Variants in CDKL2 observed in about 807,000 individuals in gnomAD.
The protein encoded by CDKL2 is cyclin dependent kinase like 2.
CDKL2 carries 64 observed loss-of-function variants against 63.9 expected under a neutral mutation model. The observed-to-expected ratio is 1.00, with a 90% confidence interval of 0.82 to 1.23. The LOEUF is 1.23. Among genes scored for constraint, CDKL2 ranks in the 50% most tolerant of loss-of-function variants. CDKL2 has a pLI of 0.00. For missense variants in CDKL2, 656 were observed against 668.0 expected (o/e 0.98, Z 0.20); for synonymous variants, 211 against 229.2 (o/e 0.92, Z 0.72).
intron 3 of CDKL2, among the ~76,000 whole-genome samples, chr4:75,612,721 G>A (rs928871730): frequency 3.8e-4 from 58 of 151,868 alleles, no homozygotes; most frequent in African/African-American, 1.3e-3. Context: ...ATTTCACCCC[G>A]TAACAATTAT....
chr4:75,607,414 GCA>G, intron 3 of CDKL2, 53 bp from the exon 4 acceptor site: 1 of 1,425,638 alleles, frequency 7.0e-7, no homozygotes, highest in South Asian at 1.3e-5. Flanking sequence ...TTATTTTGGG[GCA>G]CCTGCTATGT....
Position 75,592,338 on chromosome 4 carries a change from A to G in CDKL2, c.1417-69T>C, listed in dbSNP as rs1439688344. The G allele has an allele frequency of 3.0e-6, 4 of 1,347,324 alleles. No homozygotes were observed. The African/African-American group carries it at 5.9e-5, about 20-fold the overall frequency. The allele number at this position is 1,347,324 out of a possible 1,614,324, so 83.5% of individuals were successfully genotyped here. On this transcript the variant is annotated intron_variant, in intron 10 of 13. Coordinates refer to ENST00000307465, the MANE Select transcript of CDKL2 (RefSeq NM_001330724.2). ...GTTAGCTAGGCTTTCCTTCTTCTGT[A>G]ACTCCTATGTTCATATCCTAAAATT... is the stretch of plus-strand genomic sequence containing the variant.
chr4:75,599,526 A>G (rs1729087769), intron 7 of CDKL2, among the ~76,000 whole-genome samples: 2 of 125,584 alleles, frequency 1.6e-5, no homozygotes, highest in Admixed American at 2.1e-4. Context: ...GCACCACTGC[A>G]CTCCAGCCTG....
At chr4:75,628,581 TATTATTTCAGTAATAATAGATAAAAA>T (rs1380463954) in intron 1 of CDKL2, among the ~76,000 whole-genome samples, 18 of 152,196 alleles carry the variant, frequency 1.2e-4, no homozygotes, top group Non-Finnish European at 2.5e-4. Flanking sequence ...TTTAACTATC[TATTATTTCAGTAATAATAGATAAAAA>T]ATTATTTCAG....
At chr4:75,624,830 C>G (rs1033804298) in intron 2 of CDKL2, among the ~76,000 whole-genome samples, 1 of 152,112 alleles carries the variant, frequency 6.6e-6, no homozygotes, top group Non-Finnish European at 1.5e-5. Flanking sequence ...TGCACTCCAG[C>G]CTGGTAACAG....
At chr4:75,585,819 A>G (rs1393447266) in intron 12 of CDKL2, among the ~76,000 whole-genome samples, 1 of 152,216 alleles carries the variant, frequency 6.6e-6, no homozygotes, top group East Asian at 1.9e-4. Context: ...AGGCAATTCT[A>G]CAACATAATA....
At position 75,577,107 on chromosome 4, in the gene CDKL2, G is replaced by GGAGC. The variant is rs1560567219; in HGVS notation, c.*2091_*2094dup. On this transcript the variant is annotated 3_prime_UTR_variant, in exon 14 of 14. Coordinates refer to ENST00000307465, the MANE Select transcript of CDKL2 (RefSeq NM_001330724.2). Reference sequence around the variant, plus strand: ...ATAAATCTAAATTTAAACCATCTATGGAGCCCAGTAAGATAATATTTATTA... The same window carrying GGAGC: ...ATAAATCTAAATTTAAACCATCTATGGAGCGAGCCCAGTAAGATAATATTTATTA... Among the ~76,000 whole-genome samples the GGAGC allele has an allele frequency of 6.6e-6, 1 of 151,872 alleles. No homozygotes were observed.
chr4:75,605,301 C>T (rs1020516076), intron 5 of CDKL2, among the ~76,000 whole-genome samples: 6 of 151,918 alleles, frequency 3.9e-5, no homozygotes, highest in South Asian at 4.2e-4. Flanking sequence ...TGCAGTGAGC[C>T]GAGATTGCGC....
chr4:75,626,570 G>C (rs1018010304), intron 1 of CDKL2, among the ~76,000 whole-genome samples: 2 of 151,970 alleles, frequency 1.3e-5, no homozygotes, highest in African/African-American at 4.8e-5. Flanking sequence ...GGGAGGCTGA[G>C]GCAGGAGAAT....
At chr4:75,611,779 C>G (rs1464805061) in intron 3 of CDKL2, among the ~76,000 whole-genome samples, 5 of 151,474 alleles carry the variant, frequency 3.3e-5, no homozygotes, top group African/African-American at 7.3e-5. Flanking sequence ...CTCAGCCTTC[C>G]GAGTAGCTGG....
In CDKL2 at chr4:75,577,945, T is replaced by C. The variant is rs141986486; in HGVS notation, c.*1257A>G. 28 of 151,310 alleles carry C rather than the reference T, an allele frequency of 1.9e-4. No homozygotes were observed. Among genetic ancestry groups the C allele is most frequent in the Admixed American group, 7.3e-4 (11 of 15,092 alleles). 9.4% of individuals were successfully genotyped at this position (151,310 alleles called of 1,614,324 possible). On this transcript the variant is annotated 3_prime_UTR_variant, in exon 14 of 14. Coordinates refer to ENST00000307465, the MANE Select transcript of CDKL2 (RefSeq NM_001330724.2). ...TTCTAGTTAAATTCTTCAGCTAAGT[T>C]CTAGTCAATGGCTTTGGAAAAAAAG...
chr4:75,611,458 CAAAAAAA>C (rs71203834), intron 3 of CDKL2, among the ~76,000 whole-genome samples: 4 of 76,732 alleles, frequency 5.2e-5, no homozygotes, highest in South Asian at 5.9e-4. Context: ...GATTCTGTCT[CAAAAAAA>C]AAAAAAAAAA....
chr4:75,626,666 C>CA (rs1168960614), intron 1 of CDKL2, among the ~76,000 whole-genome samples: 1,226 of 39,074 alleles, frequency 0.031, 15 homozygotes, highest in African/African-American at 0.077. Flanking sequence ...GACTCCATCT[C>CA]AAAAAAAAAA....
intron 10 of CDKL2, among the ~76,000 whole-genome samples, chr4:75,594,767 A>G (rs532924621): frequency 6.6e-6 from 1 of 152,336 alleles, no homozygotes; most frequent in African/African-American, 2.4e-5. Context: ...AGCAAGTGCA[A>G]AAGCCCAAAG....
intron 12 of CDKL2, among the ~76,000 whole-genome samples, chr4:75,589,726 C>T (rs939886867): frequency 5.3e-5 from 8 of 152,028 alleles, no homozygotes; most frequent in African/African-American, 1.9e-4. Flanking sequence ...GTTTATATAA[C>T]ACTTCACGTT....
intron 10 of CDKL2, among the ~76,000 whole-genome samples, chr4:75,593,213 A>T (rs2148870167): frequency 6.6e-6 from 1 of 152,202 alleles, no homozygotes; most frequent in African/African-American, 2.4e-5. Flanking sequence ...CAAGTTGGTT[A>T]TAAAATAAAA....
intron 1 of CDKL2, among the ~76,000 whole-genome samples, chr4:75,629,228 A>G (rs1295202198): frequency 6.6e-6 from 1 of 152,212 alleles, no homozygotes; most frequent in East Asian, 1.9e-4. Flanking sequence ...ATTATTTTAA[A>G]ACATTTTGTA....
intron 13 of CDKL2, among the ~76,000 whole-genome samples, chr4:75,580,380 G>A (rs1451391979): frequency 6.6e-6 from 1 of 152,154 alleles, no homozygotes; most frequent in Non-Finnish European, 1.5e-5. Flanking sequence ...AAAATGGTCT[G>A]ATTGGCCAGA....
intron 2 of CDKL2, among the ~76,000 whole-genome samples, chr4:75,623,177 G>A (rs1280252622): frequency 1.3e-5 from 2 of 152,106 alleles, no homozygotes; most frequent in African/African-American, 2.4e-5. Flanking sequence ...TACTCAGAAG[G>A]CTGAAGTGGG....
Sources: gnomAD v4.1 joint callset for allele counts (sites outside exome capture counted in the v4.1 genomes callset) on GRCh38, gnomAD v4.1.1 for gene constraint, MANE v1.5 for transcripts, NCBI Gene and HGNC (gene_info 2026-07-23, HGNC 2026-07-21) for gene names.